Variants in MYH3 observed in about 807,000 individuals in gnomAD.
MYH3 encodes the protein myosin-3.
MYH3 carries 130 observed loss-of-function variants against 238.0 expected under a neutral mutation model. The ratio of observed to expected loss-of-function variants is 0.55; its 90% CI spans 0.47 to 0.63. MYH3 has a LOEUF of 0.63. MYH3 is among the 30% of genes least tolerant of loss of function. The pLI is 0.00. For synonymous variants in MYH3, 880 were observed against 924.1 expected, an observed-to-expected ratio of 0.95 and a Z score of 0.86; for missense variants, 1,853 against 2,374.9, an observed-to-expected ratio of 0.78 and a Z score of 4.57.
chr17:10,636,668 C>T (rs1232643178), intron 28 of MYH3, among the ~76,000 whole-genome samples: 3 of 152,172 alleles, frequency 2.0e-5, no homozygotes, highest in African/African-American at 7.2e-5. Flanking sequence ...GTAATCCCAG[C>T]ACTTTGGGAG....
At chr17:10,651,403 TC>T (rs1307068894) in intron 5 of MYH3, 108 bp downstream of exon 5, 5 of 1,585,602 alleles carry the variant, frequency 3.2e-6, no homozygotes, top group Non-Finnish European at 4.3e-6. Context: ...CTTCCTCCTT[TC>T]CCTGTGCTAA....
At chr17:10,667,356 T>C in the MYH3 span, among the ~76,000 whole-genome samples, 3 of 152,182 alleles carry the variant, frequency 2.0e-5, no homozygotes, top group African/African-American at 7.2e-5. Context: ...AATTATGTTA[T>C]ATCCACATGA....
intron 28 of MYH3, among the ~76,000 whole-genome samples, chr17:10,636,905 GACTCTGTCTAA>G (rs1291768447): frequency 2.7e-5 from 4 of 150,790 alleles, no homozygotes; most frequent in Admixed American, 2.6e-4. Context: ...CAGAGAGTGA[GACTCTGTCTAA>G]AAAAAAAAAA....
At position 10,647,436 on chromosome 17, in the gene MYH3, G is replaced by A; in HGVS notation, c.736-10C>T. The A allele has an allele frequency of 1.2e-6, 2 of 1,614,122 alleles. No individual in the cohort carries two copies. The highest frequency in any genetic ancestry group is 1.1e-5 in the South Asian group (1 of 91,084). On this transcript the variant is annotated splice_polypyrimidine_tract_variant and intron_variant, in intron 8 of 40. Coordinates refer to ENST00000583535, the MANE Select transcript of MYH3 (RefSeq NM_002470.4). ...TTCGGATGAACTTGCCCTGTATGGG[G>A]CGGGATTCAGGGGGAGACCAGATTC...
chr17:10,652,609 CTTTTTTTTTTTTTTTTTTT>C, intron 3 of MYH3, 46 bp from the exon 4 acceptor site: 30 of 423,448 alleles, frequency 7.1e-5, no homozygotes, highest in Non-Finnish European at 1.0e-4. Context: ...GTCTGCACGT[CTTTTTTTTTTTTTTTTTTT>C]TTTTTTTTTT....
intron 32 of MYH3, 41 bp from the exon 33 acceptor site, chr17:10,633,756 C>T (rs746767338): frequency 1.2e-5 from 19 of 1,612,094 alleles, no homozygotes; most frequent in Non-Finnish European, 1.4e-5. Flanking sequence ...AGCGCCTCTG[C>T]GTGGGTTTCC....
the MYH3 span, chr17:10,674,767 G>C: frequency 6.6e-6 from 1 of 152,312 alleles, no homozygotes; most frequent in Non-Finnish European, 1.5e-5. Context: ...GCTCTCACAG[G>C]CATCTACAGA....
chr17:10,667,680 T>TAAAAAA, the MYH3 span, among the ~76,000 whole-genome samples: 1 of 111,770 alleles, frequency 8.9e-6, no homozygotes, highest in Non-Finnish European at 2.0e-5. Context: ...AGACTCTGTC[T>TAAAAAA]AAAAAAAAAA....
chr17:10,630,858 G>C (rs773469559), intron 36 of MYH3, among the ~76,000 whole-genome samples: 3 of 151,924 alleles, frequency 2.0e-5, no homozygotes, highest in Non-Finnish European at 4.4e-5. Context: ...TCTCGGGGGT[G>C]GGGGAAGAAA....
At chr17:10,645,324 C>T (rs950417153) in intron 12 of MYH3, among the ~76,000 whole-genome samples, 6 of 151,802 alleles carry the variant, frequency 4.0e-5, no homozygotes, top group East Asian at 4.0e-4. Flanking sequence ...CCCAGCTACT[C>T]GGGAGGCTGA....
At chr17:10,628,927 G>A (rs368282291) in intron 40 of MYH3, among the ~76,000 whole-genome samples, 5 of 152,210 alleles carry the variant, frequency 3.3e-5, no homozygotes, top group African/African-American at 1.2e-4. Context: ...TGTGTTCAGC[G>A]GGCTCTGGAG....
At position 10,635,554 on chromosome 17, in the gene MYH3, C is replaced by T. The variant is rs923371415; in HGVS notation, c.3985G>A (p.Ala1329Thr). Reference sequence around the variant, plus strand: ...GAGGACTGCAGGGCGTGCGCCAGGGCGTTCTTGGCCTGCAGAAGTTAAAAA... The same window carrying T: ...GAGGACTGCAGGGCGTGCGCCAGGGTGTTCTTGGCCTGCAGAAGTTAAAAA... ...QLEEENKAKN[A>T]LAHALQSSRH... The change falls in exon 30 of 41, where the codon GCC becomes ACC. Residue 1329 changes from alanine (A) to threonine (T), a missense_variant. Around this residue, in one of 3 missense-constraint regions of MYH3, gnomAD observed 1,044 missense variants for 1,192.6 expected, o/e 0.88. Transcript: ENST00000583535. The T allele has an allele frequency of 9.3e-6, 15 of 1,614,210 alleles. No individual in the cohort carries two copies. The highest frequency in any genetic ancestry group is 4.5e-5 in the East Asian group (2 of 44,890).
intron 28 of MYH3, among the ~76,000 whole-genome samples, chr17:10,637,062 A>AC (rs1473432468): frequency 1.0e-5 from 1 of 98,038 alleles, no homozygotes; most frequent in Non-Finnish European, 2.6e-5. Flanking sequence ...ATTCCCTTAA[A>AC]CTTTTTTTTT....
At position 10,630,486 on chromosome 17, in the gene MYH3, T is replaced by C. The variant is rs572601391; in HGVS notation, c.5287-28A>G. 2.5e-6 allele frequency: 4 copies of C among 1,614,022 alleles called. No individual in the cohort carries two copies. The African/African-American group carries it at 4.0e-5, about 16-fold the overall frequency. On this transcript the variant is annotated intron_variant, in intron 36 of 40. Transcript: ENST00000583535. Reference sequence around the variant, plus strand: ...GAAAAGCACATGGGACTTGCTAGGATGCAGAGGAAGCTCCAGTGCCTTGGA... The same window carrying C: ...GAAAAGCACATGGGACTTGCTAGGACGCAGAGGAAGCTCCAGTGCCTTGGA...
Position 10,634,279 on chromosome 17 carries a change from C to T in MYH3, c.4357-97G>A. ...TAAATTAAATGCAGAGTTAGGGCTA[C>T]ACTTGGCATCACTTGCCTGGCTCCT... On this transcript the variant is annotated intron_variant, in intron 31 of 40. Transcript: ENST00000583535. The T allele has an allele frequency of 2.2e-6, 3 of 1,357,816 alleles. No individual in the cohort carries two copies. In the African/African-American group the frequency reaches 4.3e-5, roughly 19 times the overall value. The allele number at this position is 1,357,816 out of a possible 1,614,324, so 84.1% of individuals were successfully genotyped here. A position where few individuals can be genotyped will look rare whatever the true frequency, so the allele number is the denominator to read the frequency against.
intron 4 of MYH3, chr17:10,652,079 A>T (rs976778501): frequency 1.2e-5 from 5 of 403,624 alleles, no homozygotes; most frequent in Non-Finnish European, 2.3e-5. Context: ...GGATAAACTT[A>T]TAAAGGGGGG....
Position 10,639,175 on chromosome 17 carries a change from T to G in MYH3, c.3117A>C (p.Leu1039=). 2.5e-6 allele frequency: 4 copies of G among 1,614,174 alleles called. 1 individual carries two copies. Among genetic ancestry groups the G allele is most frequent in the Middle Eastern group, 1.6e-4 (1 of 6,062 alleles). Reference sequence around the variant, plus strand: ...CTACTCGGAGCTTCTTTTCTTGTTCTAGGGAGCTTTCCAGCTGAAAAAGGC... The same window carrying G: ...CTACTCGGAGCTTCTTTTCTTGTTCGAGGGAGCTTTCCAGCTGAAAAAGGC... The part of the protein sequence containing the change: ...EQQVEDLESS[L]EQEKKLRVDL... The change falls in exon 25 of 41, where the codon CTA becomes CTC. Residue 1039 remains leucine (L), a synonymous_variant. Transcript: ENST00000583535.
chr17:10,668,119 G>A, the MYH3 span, among the ~76,000 whole-genome samples: 1 of 152,360 alleles, frequency 6.6e-6, no homozygotes, highest in East Asian at 1.9e-4. Flanking sequence ...CAGTGGCTGG[G>A]TGCGGCGGCT....
intron 20 of MYH3, 40 bp downstream of exon 20, chr17:10,640,523 A>C: frequency 6.2e-7 from 1 of 1,614,238 alleles, no homozygotes; most frequent in South Asian, 1.1e-5. Context: ...CTGTGTCAAG[A>C]GGACGAAAAG....
Sources: gnomAD v4.1 joint callset for allele counts (sites outside exome capture counted in the v4.1 genomes callset) on GRCh38, gnomAD v4.1.1 for gene constraint, gnomAD v4.1.1 regional missense constraint, MANE v1.5 for transcripts, NCBI Gene and HGNC (gene_info 2026-07-23, HGNC 2026-07-21) for gene names.